Variants in KCNH1 observed in about 807,000 individuals in gnomAD.
KCNH1 encodes voltage-gated delayed rectifier potassium channel KCNH1.
A neutral mutation model predicts 69.2 loss-of-function variants in KCNH1; 27 were observed. The observed-to-expected ratio is 0.39, with a 90% CI of 0.29 to 0.54. KCNH1 has a LOEUF of 0.54. KCNH1 is among the 20% of genes least tolerant of loss of function. The pLI is 0.68. For synonymous variants in KCNH1, 456 were observed against 487.7 expected (o/e 0.93, Z 0.86); for missense variants, 798 against 1,261.6 (o/e 0.63, Z 5.57).
Position 211,042,341 on chromosome 1 carries a change from T to C in KCNH1, c.559-23085A>G, listed in dbSNP as rs1462636153. ...TATAGATGTCTCTCTTACTAGATCA[T>C]AAGCCCCATGAAAACAAAGTGCTTG... On this transcript the variant is annotated intron_variant, in intron 5 of 10. Coordinates refer to ENST00000271751, the MANE Select transcript of KCNH1 (RefSeq NM_172362.3). Among the ~76,000 whole-genome samples the C allele has an allele frequency of 2.3e-4, 35 of 152,206 alleles. 1 individual carries two copies. Among genetic ancestry groups the C allele is most frequent in the Admixed American group, 2.2e-3 (34 of 15,280 alleles).
chr1:210,778,567 A>G (rs1338385232), intron 9 of KCNH1, among the ~76,000 whole-genome samples: 1 of 151,208 alleles, frequency 6.6e-6, no homozygotes, highest in Non-Finnish European at 1.5e-5. Context: ...CAGGTTACGT[A>G]ATATTCCAGC....
At chr1:211,095,517 T>A (rs1405276180) in intron 3 of KCNH1, among the ~76,000 whole-genome samples, 1 of 152,220 alleles carries the variant, frequency 6.6e-6, no homozygotes, top group African/African-American at 2.4e-5. Context: ...GCTTTGAGGT[T>A]CCTCAGCCTT....
chr1:210,979,896 G>C (rs373674021), intron 6 of KCNH1, among the ~76,000 whole-genome samples: 1 of 151,974 alleles, frequency 6.6e-6, no homozygotes, highest in African/African-American at 2.4e-5. Flanking sequence ...TATTAATTAG[G>C]GAAATCTAAA....
chr1:210,862,048 G>C (rs1685990814), intron 7 of KCNH1: 1 of 788,252 alleles, frequency 1.3e-6, no homozygotes, highest in Non-Finnish European at 2.3e-6. Context: ...AATAGTATAA[G>C]GGGATATATA....
chr1:210,888,625 G>T (rs974446683), intron 7 of KCNH1, among the ~76,000 whole-genome samples: 1 of 152,072 alleles, frequency 6.6e-6, no homozygotes, highest in African/African-American at 2.4e-5. Context: ...CCAGGAGCTG[G>T]TTTTTTGAAA....
chr1:210,739,319 C>T (rs1682960448), intron 10 of KCNH1, among the ~76,000 whole-genome samples: 1 of 152,174 alleles, frequency 6.6e-6, no homozygotes, highest in South Asian at 2.1e-4. Flanking sequence ...GTGCTCACTC[C>T]CCATCCTGAC....
chr1:211,030,900 A>T (rs971743350), intron 5 of KCNH1, among the ~76,000 whole-genome samples: 1 of 152,168 alleles, frequency 6.6e-6, no homozygotes, highest in African/African-American at 2.4e-5. Flanking sequence ...TCAAAACTCA[A>T]CTATAAAAAA....
At chr1:210,997,866 T>C (rs1689083827) in intron 6 of KCNH1, among the ~76,000 whole-genome samples, 2 of 152,194 alleles carry the variant, frequency 1.3e-5, no homozygotes, top group African/African-American at 4.8e-5. Context: ...TTCAACATTC[T>C]TAAAGAAAAG....
chr1:211,002,152 C>G (rs2102401282), intron 6 of KCNH1, among the ~76,000 whole-genome samples: 1 of 151,790 alleles, frequency 6.6e-6, no homozygotes, highest in South Asian at 2.1e-4. Flanking sequence ...ACATATGTAA[C>G]AAACCTGCAC....
chr1:210,966,621 CTCA>C (rs1376694450), intron 6 of KCNH1, among the ~76,000 whole-genome samples: 1 of 152,162 alleles, frequency 6.6e-6, no homozygotes, highest in Non-Finnish European at 1.5e-5. Context: ...TGAAAAAATG[CTCA>C]TCATCACTGG....
At chr1:211,096,047 C>CTTTATTTATTTATTTATTTATTTA (rs536254644) in intron 3 of KCNH1, among the ~76,000 whole-genome samples, 50 of 125,140 alleles carry the variant, frequency 4.0e-4, no homozygotes, top group South Asian at 9.9e-4. Context: ...AAAAGTATCA[C>CTTTATTTATTTATTTATTTATTTA]TTTATTTATT....
chr1:211,069,423 C>T (rs1690594383), intron 5 of KCNH1, among the ~76,000 whole-genome samples: 1 of 152,018 alleles, frequency 6.6e-6, no homozygotes, highest in South Asian at 2.1e-4. Context: ...GAACCAGACC[C>T]AGGTATGGCA....
At chr1:210,759,111 G>T (rs1324559018) in intron 10 of KCNH1, among the ~76,000 whole-genome samples, 1 of 147,300 alleles carries the variant, frequency 6.8e-6, no homozygotes, top group African/African-American at 2.6e-5. Flanking sequence ...GGGGAAAAAA[G>T]AATTAAAAAA....
intron 6 of KCNH1, among the ~76,000 whole-genome samples, chr1:210,953,605 G>A (rs1170626308): frequency 1.3e-5 from 2 of 152,080 alleles, no homozygotes; most frequent in Admixed American, 1.3e-4. Flanking sequence ...CCTGGCTCAG[G>A]TGTAACCTCC....
In KCNH1 at chr1:211,133,981, C is replaced by G; in HGVS notation, c.-36G>C. ...GCTCGGGGTCCGGCGGGCGTCCTGGCGCGGCTTCTTACGACAGCAGGAAAC... is the reference window on the plus strand; with the variant it reads ...GCTCGGGGTCCGGCGGGCGTCCTGGGGCGGCTTCTTACGACAGCAGGAAAC... On this transcript the variant is annotated 5_prime_UTR_variant, in exon 1 of 11. Transcript: ENST00000271751. This position sits in a 1 kb window ranked among gnomAD's most constrained non-coding sequence, Gnocchi z 5.4. The G allele has an allele frequency of 1.9e-6, 3 of 1,585,450 alleles. No homozygotes were observed. In the South Asian group the frequency reaches 3.3e-5, roughly 18 times the overall value.
At chr1:210,940,933 C>A (rs1439411971) in intron 6 of KCNH1, among the ~76,000 whole-genome samples, 1 of 152,188 alleles carries the variant, frequency 6.6e-6, no homozygotes, top group Non-Finnish European at 1.5e-5. Context: ...TTGCTTTAGG[C>A]TAATTTGATT....
chr1:210,883,236 G>T (rs1686534329), intron 7 of KCNH1, among the ~76,000 whole-genome samples: 1 of 152,208 alleles, frequency 6.6e-6, no homozygotes, highest in Non-Finnish European at 1.5e-5. Flanking sequence ...CAGCAAATGT[G>T]TGCTAATGAA....
intron 9 of KCNH1, among the ~76,000 whole-genome samples, chr1:210,788,989 C>T (rs1474942421): frequency 2.0e-5 from 3 of 148,980 alleles, no homozygotes; most frequent in African/African-American, 2.6e-5. Context: ...AGCCACCGCG[C>T]CCGGCCTATA....
In KCNH1 at chr1:210,678,564, G is replaced by A. The variant is rs1681191403; in HGVS notation, c.*4717C>T. 1 of 151,788 alleles carries A rather than the reference G, an allele frequency of 6.6e-6. No homozygotes were observed. The highest frequency in any genetic ancestry group is 1.5e-5 in the Non-Finnish European group (1 of 67,952). 9.4% of individuals were successfully genotyped at this position (151,788 alleles called of 1,614,324 possible). ...ATTTGGACAAAGTGACAGATGCAAA[G>A]GAAAAAGAAAACCCAATAAAGGATT... On this transcript the variant is annotated 3_prime_UTR_variant, in exon 11 of 11. Transcript: ENST00000271751.
Sources: allele counts gnomAD v4.1 joint callset (sites outside exome capture counted in the v4.1 genomes callset), GRCh38; gene constraint gnomAD v4.1.1; non-coding constraint Gnocchi (gnomAD v3.1); transcripts MANE v1.5; gene names NCBI Gene and HGNC (gene_info 2026-07-23, HGNC 2026-07-21).